Variants in DROSHA observed in about 807,000 individuals in gnomAD.
The protein encoded by DROSHA is drosha ribonuclease III.
DROSHA carries 56 observed loss-of-function variants against 181.9 expected under a neutral mutation model. The observed-to-expected ratio is 0.31, with a 90% CI of 0.25 to 0.38. The LOEUF is 0.38. Among genes scored for constraint, DROSHA ranks in the 10% least tolerant of loss-of-function variants. The pLI is 1.00. For missense variants in DROSHA, 1,218 were observed against 1,743.5 expected (o/e 0.70, Z 5.37); for synonymous variants, 524 against 591.2 (o/e 0.89, Z 1.65).
chr5:31,502,521 G>C (rs1753676488), intron 11 of DROSHA, among the ~76,000 whole-genome samples: 1 of 152,212 alleles, frequency 6.6e-6, no homozygotes, highest in Non-Finnish European at 1.5e-5. Flanking sequence ...GCTAAATTCT[G>C]TCAATCCCAC....
chr5:31,483,186 T>C (rs1454003994), intron 16 of DROSHA, among the ~76,000 whole-genome samples: 2 of 152,218 alleles, frequency 1.3e-5, no homozygotes, highest in African/African-American at 4.8e-5. Flanking sequence ...GTAACTATTA[T>C]TACAGTAATT....
intron 6 of DROSHA, among the ~76,000 whole-genome samples, chr5:31,517,705 T>C (rs1739418766): frequency 6.6e-6 from 1 of 152,174 alleles, no homozygotes; most frequent in Admixed American, 6.5e-5. Flanking sequence ...CTTGCATTAC[T>C]ATTTTTCTTC....
chr5:31,518,749 T>C (rs1408899803), intron 6 of DROSHA, among the ~76,000 whole-genome samples: 2 of 152,214 alleles, frequency 1.3e-5, no homozygotes, highest in African/African-American at 2.4e-5. Context: ...ACTTGCCTAA[T>C]ACGATAAAGC....
At chr5:31,437,351 C>G in intron 23 of DROSHA, 53 bp from the exon 24 acceptor site, 3 of 1,162,636 alleles carry the variant, frequency 2.6e-6, no homozygotes, top group Non-Finnish European at 3.4e-6. Flanking sequence ...CACTCCCCCC[C>G]ACCCACCCAC....
intron 34 of DROSHA, among the ~76,000 whole-genome samples, chr5:31,405,986 A>T (rs1740609308): frequency 6.6e-6 from 1 of 152,082 alleles, no homozygotes; most frequent in Non-Finnish European, 1.5e-5. Flanking sequence ...CTGCAATAAA[A>T]TGCCTTCCAT....
At chr5:31,447,486 C>T (rs923514080) in intron 23 of DROSHA, among the ~76,000 whole-genome samples, 6 of 152,054 alleles carry the variant, frequency 3.9e-5, no homozygotes, top group Admixed American at 2.0e-4. Context: ...TCCAAAAATT[C>T]GTGTGGAAAT....
rs773990094 is a variant in DROSHA at position 31,526,382 on chromosome 5, C to G, written c.551G>C (p.Ser184Thr). ...GAAAGAACTAGGGTTGTTCTGGAAACTATTAAAACTGGGAGGTGGGAAGTT... is the reference window on the plus strand; with the variant it reads ...GAAAGAACTAGGGTTGTTCTGGAAAGTATTAAAACTGGGAGGTGGGAAGTT... ...HHNFPPPSFN[S>T]FQNNPSSFLP... Residue 184 changes from serine (S) to threonine (T), a missense_variant, in exon 5 of 36, where the codon AGT (serine) becomes ACT (threonine). Transcript: ENST00000344624. The G allele has an allele frequency of 1.7e-5, 28 of 1,613,118 alleles. No individual in the cohort carries two copies. In the Admixed American group the frequency reaches 4.7e-4, roughly 27 times the overall value.
chr5:31,530,651 AT>A, intron 3 of DROSHA, 146 bp downstream of exon 3: 3 of 376,178 alleles, frequency 8.0e-6, no homozygotes, highest in East Asian at 3.8e-5. Context: ...AAAAAAAAAA[AT>A]CTCCCAACGT....
chr5:31,499,368 T>C (rs971149196), intron 11 of DROSHA, among the ~76,000 whole-genome samples: 1 of 152,048 alleles, frequency 6.6e-6, no homozygotes, highest in African/African-American at 2.4e-5. Flanking sequence ...GTACTAGGAG[T>C]GACCCAATAA....
chr5:31,512,649 A>T (rs62348740), intron 8 of DROSHA, among the ~76,000 whole-genome samples: 54,957 of 152,146 alleles, frequency 0.36, 12,289 homozygotes, highest in Non-Finnish European at 0.5. Flanking sequence ...CCAATCTTAG[A>T]ACAGGAATCC....
intron 30 of DROSHA, among the ~76,000 whole-genome samples, chr5:31,413,019 C>T (rs940468879): frequency 1.3e-5 from 2 of 152,110 alleles, no homozygotes; most frequent in Admixed American, 6.5e-5. Flanking sequence ...ATGGAATGTT[C>T]ATGCCTCAGA....
chr5:31,508,896 C>G (rs1738328812), intron 9 of DROSHA, 121 bp from the exon 10 acceptor site: 2 of 1,129,014 alleles, frequency 1.8e-6, no homozygotes, highest in Non-Finnish European at 2.4e-6. Flanking sequence ...GATCTCAGCT[C>G]ACTGCAAACT....
At chr5:31,403,143 T>A (rs1206653361) in intron 35 of DROSHA, among the ~76,000 whole-genome samples, 1 of 152,244 alleles carries the variant, frequency 6.6e-6, no homozygotes, top group African/African-American at 2.4e-5. Flanking sequence ...TAAAATCCTA[T>A]TCCTGAACTG....
In DROSHA at chr5:31,430,264, G is replaced by C. The variant is rs76467738; in HGVS notation, c.3146-719C>G. On this transcript the variant is annotated intron_variant, in intron 26 of 35. Coordinates refer to ENST00000344624, the MANE Select transcript of DROSHA (RefSeq NM_001382508.1). ...GATAATTGTAACAATGATAGTCAGA[G>C]TAACAGTGGTAGCAGCTGTTGTGGT... Among the ~76,000 whole-genome samples, 945 of 152,344 alleles carry C rather than the reference G, an allele frequency of 6.2e-3. 5 individuals are homozygous for C. The highest frequency in any genetic ancestry group is 0.01 in the Non-Finnish European group (697 of 68,034).
At chr5:31,442,659 T>A (rs1745734033) in intron 23 of DROSHA, among the ~76,000 whole-genome samples, 1 of 152,096 alleles carries the variant, frequency 6.6e-6, no homozygotes, top group African/African-American at 2.4e-5. Context: ...AAAGCCATCT[T>A]GGGATAGGCC....
In DROSHA at chr5:31,491,372, T is replaced by C. The variant is rs1752384540; in HGVS notation, c.1842+1835A>G. On this transcript the variant is annotated intron_variant, in intron 13 of 35. Transcript: ENST00000344624. ...CCCACTAATACCCTAATCTTACAGA[T>C]GAGAAAGCCAAAGCTTATAAAGATT... 3.3e-5 allele frequency among the ~76,000 whole-genome samples: 5 copies of C among 152,248 alleles called. No individual in the cohort carries two copies. In the South Asian group the frequency reaches 8.3e-4, roughly 25 times the overall value.
chr5:31,444,814 T>C (rs963970660), intron 23 of DROSHA, among the ~76,000 whole-genome samples: 11 of 152,234 alleles, frequency 7.2e-5, no homozygotes, highest in Non-Finnish European at 1.3e-4. Context: ...CATAGTGAGG[T>C]ATATGGGCAT....
At chr5:31,483,503 T>G in intron 16 of DROSHA, 51 bp downstream of exon 16, 4 of 1,577,042 alleles carry the variant, frequency 2.5e-6, no homozygotes, top group Non-Finnish European at 3.5e-6. Flanking sequence ...ATGGCAAGCT[T>G]ATTTTCAGAT....
chr5:31,448,976 T>C (rs1356032109), intron 22 of DROSHA, among the ~76,000 whole-genome samples: 2 of 151,792 alleles, frequency 1.3e-5, no homozygotes, highest in African/African-American at 4.8e-5. Context: ...CTAATAAAAA[T>C]ACAAAAAAAC....
Sources: allele counts gnomAD v4.1 joint callset (sites outside exome capture counted in the v4.1 genomes callset), GRCh38; gene constraint gnomAD v4.1.1; transcripts MANE v1.5; gene names NCBI Gene and HGNC (gene_info 2026-07-23, HGNC 2026-07-21).